Variants in CRYBB1 observed in about 807,000 individuals in gnomAD.
The protein encoded by CRYBB1 is crystallin beta B1, also known as beta-crystallin B1.
CRYBB1 carries 16 observed loss-of-function variants against 29.5 expected under a neutral mutation model. The ratio of observed to expected loss-of-function variants is 0.54; its 90% CI spans 0.37 to 0.82. CRYBB1 has a LOEUF of 0.82. CRYBB1 is among the 40% of genes least tolerant of loss of function. CRYBB1 has a pLI of 0.00. For synonymous variants in CRYBB1, 127 were observed against 136.7 expected, an observed-to-expected ratio of 0.93 and a Z score of 0.49; for missense variants, 300 against 350.5, an observed-to-expected ratio of 0.86 and a Z score of 1.15.
chr22:26,613,616 A>G (rs1174456114), intron 2 of CRYBB1, among the ~76,000 whole-genome samples: 1 of 152,174 alleles, frequency 6.6e-6, no homozygotes. Flanking sequence ...GCCTGTCTTT[A>G]CTTTAATCTC....
At chr22:26,616,488 C>G (rs1298869459) in intron 1 of CRYBB1, 150 bp from the exon 2 acceptor site, 1 of 649,266 alleles carries the variant, frequency 1.5e-6, no homozygotes, top group Non-Finnish European at 2.7e-6. Context: ...TCTTTCATCC[C>G]TACTTCCCAG....
At position 26,616,296 on chromosome 22, in the gene CRYBB1, C is replaced by T. The variant is rs371336985; in HGVS notation, c.24G>A (p.Ser8=). Residue 8 remains serine (S), a synonymous_variant, in exon 2 of 6, where the codon TCG becomes TCA. Transcript: ENST00000647684. The part of the protein sequence containing the change: MSQAAKA[S]ASATVAVNPG... ...GGTTCACCGCCACTGTGGCCGAGGC[C>T]GAGGCCTTTGCAGCCTGAGACATGG... 2.6e-5 allele frequency: 42 copies of T among 1,613,852 alleles called. No homozygotes were observed. Among genetic ancestry groups the T allele is most frequent in the South Asian group, 2.3e-4 (21 of 91,072 alleles).
chr22:26,603,029 G>A (rs1316307781), intron 4 of CRYBB1, among the ~76,000 whole-genome samples: 1 of 151,232 alleles, frequency 6.6e-6, no homozygotes, highest in African/African-American at 2.4e-5. Flanking sequence ...GGAGGCTGAG[G>A]CAGGAGAATG....
chr22:26,603,058 G>C (rs982825120), intron 4 of CRYBB1, among the ~76,000 whole-genome samples: 1 of 148,804 alleles, frequency 6.7e-6, no homozygotes, highest in African/African-American at 2.5e-5. Context: ...CCAGGAGGCA[G>C]AGCTTGCAGT....
Position 26,599,444 on chromosome 22 carries a change from G to GA in CRYBB1, c.*45dup. 6.4e-7 allele frequency: 1 copy of GA among 1,554,326 alleles called. No individual in the cohort carries two copies. Among genetic ancestry groups the GA allele is most frequent in the Non-Finnish European group, 8.8e-7 (1 of 1,141,830 alleles). ...CCTGGGAAAAATGGGGGAAATAATT[G>GA]AACATGAAGAAGGGTTGGGGCAAGG... On this transcript the variant is annotated 3_prime_UTR_variant, in exon 6 of 6. Transcript: ENST00000647684.
intron 5 of CRYBB1, 140 bp from the exon 6 acceptor site, chr22:26,599,813 T>C (rs1167368936): frequency 8.1e-6 from 6 of 739,878 alleles, no homozygotes; most frequent in Non-Finnish European, 1.4e-5. Context: ...TATCCCTTCC[T>C]GCTCTGTGCC....
rs34027527 is a variant in CRYBB1, at chr22:26,607,922, A to G, written c.399T>C (p.Ser133=). The part of the protein sequence containing the change: ...RWNTWSSSYR[S]DRLMSFRPIK... ...TGGGCCGGAAGGACATGAGCCGATCACTGCGGTAGCTGCTCGACCATGTGT... is the reference window on the plus strand; with the variant it reads ...TGGGCCGGAAGGACATGAGCCGATCGCTGCGGTAGCTGCTCGACCATGTGT... Residue 133 remains serine (S), a synonymous_variant, in exon 4 of 6, where the codon AGT becomes AGC. Transcript: ENST00000647684. 615 of 1,614,196 alleles carry G rather than the reference A, an allele frequency of 3.8e-4. 6 individuals carry two copies. In the African/African-American group the frequency reaches 7.2e-3, roughly 19 times the overall value.
chr22:26,615,108 A>G (rs1474035351), intron 2 of CRYBB1, among the ~76,000 whole-genome samples: 1 of 152,246 alleles, frequency 6.6e-6, no homozygotes, highest in African/African-American at 2.4e-5. Context: ...ATGATTAAAT[A>G]GGTACATAAA....
intron 5 of CRYBB1, among the ~76,000 whole-genome samples, 185 bp from the exon 6 acceptor site, chr22:26,599,858 G>A (rs551848386): frequency 1.3e-4 from 20 of 152,282 alleles, no homozygotes; most frequent in African/African-American, 4.6e-4. Context: ...GATAGGCCTC[G>A]GTTTCCTTTT....
At chr22:26,606,324 C>T (rs184010447) in intron 4 of CRYBB1, among the ~76,000 whole-genome samples, 8 of 152,278 alleles carry the variant, frequency 5.3e-5, no homozygotes, top group Admixed American at 3.9e-4. Context: ...ATTATAATTT[C>T]AATATGTAAC....
rs139641147 is a variant in CRYBB1 at position 26,608,782 on chromosome 22, C to T, written c.300-761G>A. Among the ~76,000 whole-genome samples, 28 of 151,712 alleles carry T rather than the reference C, an allele frequency of 1.8e-4. 1 individual carries two copies. Among genetic ancestry groups the T allele is most frequent in the South Asian group, 1.0e-3 (5 of 4,772 alleles). On this transcript the variant is annotated intron_variant, in intron 3 of 5. Coordinates refer to ENST00000647684, the MANE Select transcript of CRYBB1 (RefSeq NM_001887.4). Reference sequence around the variant, plus strand: ...GCTGGGTAAATACTGGCCTGGTATTCGGGAGATACTCAGTAACTAGTATGA... The same window carrying T: ...GCTGGGTAAATACTGGCCTGGTATTTGGGAGATACTCAGTAACTAGTATGA...
chr22:26,599,662 T>C lies in CRYBB1; in HGVS notation c.587A>G (p.Tyr196Cys). The C allele has an allele frequency of 6.2e-7, 1 of 1,614,044 alleles. No individual in the cohort carries two copies. The highest frequency in any genetic ancestry group is 8.5e-7 in the Non-Finnish European group (1 of 1,179,916). ...VKVSSGTWVG[Y>C]QYPGYRGYQY... ...GTACCCGCGGTAGCCAGGATACTGATAGCCAACCCATCTGAGAGAAAAGTG... is the reference window on the plus strand; with the variant it reads ...GTACCCGCGGTAGCCAGGATACTGACAGCCAACCCATCTGAGAGAAAAGTG... Residue 196 changes from tyrosine (Y) to cysteine (C), a missense_variant, in exon 6 of 6, where the codon TAT becomes TGT. Physicochemically the swap from Tyr to Cys is radical, Grantham distance 194. Coordinates refer to ENST00000647684, the MANE Select transcript of CRYBB1 (RefSeq NM_001887.4).
At chr22:26,615,962 T>G (rs1929336846) in intron 2 of CRYBB1, among the ~76,000 whole-genome samples, 178 bp downstream of exon 2, 1 of 147,330 alleles carries the variant, frequency 6.8e-6, no homozygotes. Flanking sequence ...TCTGGGGAGG[T>G]GGAGAAGAAG....
chr22:26,611,676 T>G (rs927725154), intron 3 of CRYBB1, among the ~76,000 whole-genome samples: 3 of 151,802 alleles, frequency 2.0e-5, no homozygotes, highest in Non-Finnish European at 2.9e-5. Context: ...GGGTTTCACC[T>G]TGTTAGCCAG....
rs371300430 is a variant in CRYBB1 at position 26,599,480 on chromosome 22, A to G, written c.*10T>C. 8 of 1,603,996 alleles carry G rather than the reference A, an allele frequency of 5.0e-6. No individual in the cohort carries two copies. The highest frequency in any genetic ancestry group is 5.1e-6 in the Non-Finnish European group (6 of 1,173,032). On this transcript the variant is annotated 3_prime_UTR_variant, in exon 6 of 6. Transcript: ENST00000647684. ...AGGGTTGGGGCAAGGTAGCAGAGTG[A>G]GGTGTGGACTCACTTGGGGGGCTCT...
At chr22:26,603,863 G>A (rs1248159674) in intron 4 of CRYBB1, among the ~76,000 whole-genome samples, 1 of 152,128 alleles carries the variant, frequency 6.6e-6, no homozygotes, top group Non-Finnish European at 1.5e-5. Context: ...GGCAGAGGTT[G>A]CAGTGAGCCA....
At chr22:26,613,260 A>G (rs1242263288) in intron 2 of CRYBB1, among the ~76,000 whole-genome samples, 1 of 152,234 alleles carries the variant, frequency 6.6e-6, no homozygotes, top group African/African-American at 2.4e-5. Flanking sequence ...GGACCAAGGC[A>G]CAATTTTCTG....
At chr22:26,600,520 A>G (rs1928788596) in intron 5 of CRYBB1, among the ~76,000 whole-genome samples, 1 of 152,244 alleles carries the variant, frequency 6.6e-6, no homozygotes, top group South Asian at 2.1e-4. Context: ...TTGATTTACT[A>G]GCTGTGAGAA....
In CRYBB1 at chr22:26,602,016, G is replaced by A. The variant is rs571136541; in HGVS notation, c.438C>T (p.Ala146=). Residue 146 remains alanine (A), a synonymous_variant, in exon 5 of 6, where the codon GCC becomes GCT. Coordinates refer to ENST00000647684, the MANE Select transcript of CRYBB1 (RefSeq NM_001887.4). ...CAAACAGGGAGATTTTGTGCTCCTGGGCATCCTGGGGAAAGAGAGGCCGGG... is the reference window on the plus strand; with the variant it reads ...CAAACAGGGAGATTTTGTGCTCCTGAGCATCCTGGGGAAAGAGAGGCCGGG... ...LMSFRPIKMD[A]QEHKISLFEG... is the part of the protein sequence containing the mutation. 6.2e-7 allele frequency: 1 copy of A among 1,613,710 alleles called. No individual in the cohort carries two copies. Among genetic ancestry groups the A allele is most frequent in the East Asian group, 2.2e-5 (1 of 44,862 alleles).
Sources: gnomAD v4.1 joint callset for allele counts (sites outside exome capture counted in the v4.1 genomes callset) on GRCh38, gnomAD v4.1.1 for gene constraint, MANE v1.5 for transcripts, NCBI Gene and HGNC (gene_info 2026-07-23, HGNC 2026-07-21) for gene names.